The following ATP2B3 variants were observed in gnomAD, a reference collection of about 807,000 sequenced individuals.
ATP2B3 encodes plasma membrane calcium-transporting ATPase 3.
ATP2B3 carries 12 observed loss-of-function variants against 70.8 expected under a neutral mutation model. That is an observed-to-expected ratio of 0.17 (90% CI 0.11 to 0.27). The LOEUF is 0.27. Among genes scored for constraint, ATP2B3 ranks in the 10% least tolerant of loss-of-function variants. The pLI, the probability that ATP2B3 is intolerant of heterozygous loss-of-function variation, is 1.00. For synonymous variants in ATP2B3, 460 were observed against 497.8 expected (o/e 0.92, Z 1.01); for missense variants, 858 against 1,118.5 (o/e 0.77, Z 3.32).
chrX:153,568,021 C>T (rs1371238716), intron 21 of ATP2B3, among the ~76,000 whole-genome samples: 2 of 111,768 alleles, frequency 1.8e-5, no homozygotes, highest in Non-Finnish European at 3.8e-5. Context: ...GGCAGCTGGC[C>T]CCAGGTTTCT....
chrX:153,546,275 G>C, intron 8 of ATP2B3, 146 bp downstream of exon 8: 1 of 725,196 alleles, frequency 1.4e-6, no homozygotes, highest in East Asian at 3.5e-5. Flanking sequence ...GCACAGTCCC[G>C]TCCCAGTGCA....
chrX:153,560,469 T>C (rs1044202588), intron 18 of ATP2B3, among the ~76,000 whole-genome samples: 6 of 111,459 alleles, frequency 5.4e-5, no homozygotes, highest in Admixed American at 9.4e-5. Context: ...AGGCTCAGGG[T>C]CTGGCCCCTG....
chrX:153,561,965 G>A (rs1557016477), intron 19 of ATP2B3, among the ~76,000 whole-genome samples, 170 bp from the exon 20 acceptor site: 2 of 112,560 alleles, frequency 1.8e-5, no homozygotes, highest in African/African-American at 6.5e-5. Flanking sequence ...GGGCGCTGGG[G>A]GCCATGCACT....
intron 2 of ATP2B3, among the ~76,000 whole-genome samples, chrX:153,527,684 G>A (rs1557000321): frequency 8.9e-6 from 1 of 112,385 alleles, no homozygotes; most frequent in African/African-American, 3.2e-5. Flanking sequence ...GAGCACTGCG[G>A]GAGTCCGGGC....
At chrX:153,532,368 A>C (rs2090130199) in intron 2 of ATP2B3, among the ~76,000 whole-genome samples, 1 of 112,868 alleles carries the variant, frequency 8.9e-6, no homozygotes, top group South Asian at 3.7e-4. Context: ...AGAGCCCCCA[A>C]AGCCAGGGAG....
intron 21 of ATP2B3, among the ~76,000 whole-genome samples, chrX:153,566,509 T>C (rs2090709149): frequency 9.0e-6 from 1 of 111,569 alleles, no homozygotes; most frequent in Non-Finnish European, 1.9e-5. Flanking sequence ...CTCCCAGTGG[T>C]CTCAAGGGCC....
At chrX:153,559,708 G>A (rs782200153) in intron 17 of ATP2B3, 21 bp from the exon 18 acceptor site, 12 of 1,195,043 alleles carry the variant, frequency 1.0e-5, no homozygotes, top group Non-Finnish European at 1.4e-5. Flanking sequence ...CCATGGAAAG[G>A]TGACTGCCTC....
chrX:153,556,800 G>T, intron 15 of ATP2B3, 117 bp from the exon 16 acceptor site: 1 of 694,733 alleles, frequency 1.4e-6, no homozygotes, highest in Non-Finnish European at 2.2e-6. Flanking sequence ...CAGTCAGGAC[G>T]GGGTAATCCC....
intron 17 of ATP2B3, among the ~76,000 whole-genome samples, chrX:153,558,943 C>G (rs782127372): frequency 8.1e-5 from 9 of 111,579 alleles, no homozygotes; most frequent in Non-Finnish European, 1.3e-4. Flanking sequence ...GTCCCATTTT[C>G]CCCATTGGTG....
intron 2 of ATP2B3, among the ~76,000 whole-genome samples, chrX:153,523,734 C>A (rs1028879543): frequency 1.3e-4 from 11 of 87,391 alleles, no homozygotes; most frequent in Non-Finnish European, 2.4e-4. Flanking sequence ...CTCGCTCTGT[C>A]ACCCAGGCTG....
intron 7 of ATP2B3, among the ~76,000 whole-genome samples, 185 bp downstream of exon 7, chrX:153,543,353 G>A (rs1472450426): frequency 2.7e-5 from 3 of 112,417 alleles, no homozygotes; most frequent in Admixed American, 1.9e-4. Context: ...CCTGAGAGCC[G>A]GCAGGCCAAG....
intron 13 of ATP2B3, 58 bp from the exon 14 acceptor site, chrX:153,555,991 C>T: frequency 3.3e-6 from 4 of 1,200,288 alleles, no homozygotes; most frequent in Admixed American, 2.2e-5. Context: ...GGGGTACTGC[C>T]TCAACCCAAA....
At chrX:153,519,469 C>T (rs1340529720) in intron 2 of ATP2B3, among the ~76,000 whole-genome samples, 1 of 111,641 alleles carries the variant, frequency 9.0e-6, no homozygotes, top group Non-Finnish European at 1.9e-5. Context: ...CAACCCCCAC[C>T]CCCCGCCGCC....
At chrX:153,570,906 C>A (rs961103730) in intron 21 of ATP2B3, among the ~76,000 whole-genome samples, 16 of 108,268 alleles carry the variant, frequency 1.5e-4, no homozygotes, top group Non-Finnish European at 1.9e-5. Context: ...GGGGGTCACC[C>A]CTCCTCTTGC....
intron 21 of ATP2B3, among the ~76,000 whole-genome samples, chrX:153,576,252 C>T (rs1288111591): frequency 2.7e-5 from 3 of 110,847 alleles, no homozygotes; most frequent in Admixed American, 9.5e-5. Context: ...GAGGGCTTTG[C>T]TGGTGGGGGT....
At chrX:153,518,803 A>G (rs1358633952) in intron 2 of ATP2B3, among the ~76,000 whole-genome samples, 1 of 111,563 alleles carries the variant, frequency 9.0e-6, no homozygotes, top group African/African-American at 3.3e-5. Context: ...CAGGGAAGGG[A>G]CCAGAATTCC....
At chrX:153,543,454 T>G (rs2090317667) in intron 7 of ATP2B3, among the ~76,000 whole-genome samples, 1 of 112,717 alleles carries the variant, frequency 8.9e-6, no homozygotes, top group Non-Finnish European at 1.9e-5. Flanking sequence ...AGGAATGGCG[T>G]TAGAGGGACA....
At chrX:153,546,946 C>T (rs2090376811) in intron 8 of ATP2B3, among the ~76,000 whole-genome samples, 1 of 112,210 alleles carries the variant, frequency 8.9e-6, no homozygotes, top group Admixed American at 9.3e-5. Context: ...TGTGTCCTGA[C>T]GCCACTGGGA....
chrX:153,568,494 C>G (rs1304695019), intron 21 of ATP2B3, among the ~76,000 whole-genome samples: 6 of 111,345 alleles, frequency 5.4e-5, no homozygotes, highest in Non-Finnish European at 1.1e-4. Flanking sequence ...GGAGACCCCC[C>G]ACCCCGCAAG....
Sources: gnomAD v4.1 joint callset for allele counts (sites outside exome capture counted in the v4.1 genomes callset) on GRCh38, gnomAD v4.1.1 for gene constraint, MANE v1.5 for transcripts, NCBI Gene and HGNC (gene_info 2026-07-23, HGNC 2026-07-21) for gene names.